KIAA1217: variants seen among roughly 807,000 people sequenced by gnomAD.
KIAA1217 encodes KIAA1217.
Under a neutral mutation model 163.9 loss-of-function variants are expected in KIAA1217, and 88 were observed. The observed-to-expected ratio is 0.54, with a 90% CI of 0.45 to 0.64. The LOEUF is 0.64. Among genes scored for constraint, KIAA1217 ranks in the 30% least tolerant of loss-of-function variants. The probability of loss-of-function intolerance (pLI) is 0.00; values close to 1 mark genes in which losing one functional copy is unlikely to be tolerated. For missense variants in KIAA1217, 2,372 were observed against 2,475.0 expected, an observed-to-expected ratio of 0.96 and a Z score of 0.88; for synonymous variants, 903 against 923.1, an observed-to-expected ratio of 0.98 and a Z score of 0.39.
At chr10:23,751,181 C>G (rs910795319) in intron 1 of KIAA1217, among the ~76,000 whole-genome samples, 2 of 152,030 alleles carry the variant, frequency 1.3e-5, no homozygotes, top group African/African-American at 4.8e-5. Flanking sequence ...GTGCATGCCA[C>G]CTTGCCGGGC....
chr10:23,971,046 T>A (rs1024540034), intron 1 of KIAA1217, among the ~76,000 whole-genome samples: 5 of 152,226 alleles, frequency 3.3e-5, no homozygotes, highest in Non-Finnish European at 5.9e-5. Context: ...AAGTGAATGA[T>A]TTGACCTTTG....
chr10:24,163,882 G>A (rs2065228475), intron 2 of KIAA1217, among the ~76,000 whole-genome samples: 1 of 152,186 alleles, frequency 6.6e-6, no homozygotes, highest in Non-Finnish European at 1.5e-5. Context: ...TCTAAGTGAG[G>A]CACAGTGACA....
intron 13 of KIAA1217, among the ~76,000 whole-genome samples, chr10:24,526,874 G>A (rs999547043): frequency 6.6e-6 from 1 of 152,096 alleles, no homozygotes; most frequent in African/African-American, 2.4e-5. Context: ...GAAGGTGGTG[G>A]CTATTATTTA....
intron 5 of KIAA1217, among the ~76,000 whole-genome samples, 159 bp downstream of exon 5, chr10:24,438,638 T>A (rs2060251309): frequency 6.6e-6 from 1 of 152,184 alleles, no homozygotes; most frequent in African/African-American, 2.4e-5. Context: ...GGTAGAGAAG[T>A]AAGATTTCCT....
upstream of KIAA1217, among the ~76,000 whole-genome samples, chr10:24,204,827 C>A (rs2067458268): frequency 6.6e-6 from 1 of 152,208 alleles, no homozygotes; most frequent in Non-Finnish European, 1.5e-5. Flanking sequence ...TGTTAAAAAT[C>A]CTTTATTTCT....
In KIAA1217 at chr10:24,368,789, A is replaced by C. The variant is rs1889872; in HGVS notation, c.355-12080A>C. The stretch of plus-strand genomic sequence containing the variant: ...AGAAGCTACGGGACTTCCCAAGAAC[A>C]GTAGGAAGCTGAGCCATCTAGAATC... On this transcript the variant is annotated intron_variant, in intron 2 of 20. Coordinates refer to ENST00000376454, the MANE Select transcript of KIAA1217 (RefSeq NM_019590.5). 4,580 of 944,670 alleles carry C rather than the reference A, an allele frequency of 4.8e-3. 170 individuals are homozygous for C. In the African/African-American group the frequency reaches 0.074, roughly 15 times the overall value. 58.5% of individuals were successfully genotyped at this position (944,670 alleles called of 1,614,324 possible).
At position 24,521,894 on chromosome 10, in the gene KIAA1217, G is replaced by A. The variant is rs1483450074; in HGVS notation, c.2421G>A (p.Val807=). 3 of 1,613,386 alleles carry A rather than the reference G, an allele frequency of 1.9e-6. No homozygotes were observed. The highest frequency in any genetic ancestry group is 1.7e-6 in the Non-Finnish European group (2 of 1,179,984). The change falls in exon 12 of 21, where the codon GTG becomes GTA. Residue 807 remains valine (V), a synonymous_variant. Coordinates refer to ENST00000376454, the MANE Select transcript of KIAA1217 (RefSeq NM_019590.5). ...AGCTGGACAGTCTCCTGAAGCGTGT[G>A]CGCAGCATGACAGACGTCCTGACCA... is the stretch of plus-strand genomic sequence containing the variant. ...PHKLDSLLKR[V]RSMTDVLTML... is the part of the protein sequence containing the mutation.
At chr10:24,322,084 G>C (rs1989692) in intron 2 of KIAA1217, among the ~76,000 whole-genome samples, 24,391 of 151,916 alleles carry the variant, frequency 0.16, 1,938 homozygotes, top group African/African-American at 0.17. Flanking sequence ...GAGTAGCTGG[G>C]ATCACAGGTG....
At chr10:24,161,183 A>G (rs76233668) in intron 2 of KIAA1217, among the ~76,000 whole-genome samples, 3 of 152,158 alleles carry the variant, frequency 2.0e-5, no homozygotes, top group Non-Finnish European at 4.4e-5. Flanking sequence ...CCATTTAACT[A>G]TTATGCTCTC....
intron 1 of KIAA1217, among the ~76,000 whole-genome samples, chr10:23,955,064 G>C (rs1844500354): frequency 6.6e-6 from 1 of 152,162 alleles, no homozygotes; most frequent in Non-Finnish European, 1.5e-5. Context: ...ACTGTGCCCA[G>C]TTTTTTATAT....
rs559445661 is a variant in KIAA1217 at position 24,533,045 on chromosome 10, T to G, written c.3247-25T>G. ...TAGCACCTAGGAGATGTTAAACCAC[T>G]ATCTGTTGTTTCAATCTCCCACAGG... On this transcript the variant is annotated intron_variant, in intron 15 of 20. Coordinates refer to ENST00000376454, the MANE Select transcript of KIAA1217 (RefSeq NM_019590.5). The G allele has an allele frequency of 2.8e-5, 44 of 1,592,286 alleles. 1 individual carries two copies. In the South Asian group the frequency reaches 4.3e-4, roughly 16 times the overall value.
chr10:24,518,735 C>T (rs2070613737), intron 10 of KIAA1217, among the ~76,000 whole-genome samples: 1 of 152,162 alleles, frequency 6.6e-6, no homozygotes, highest in East Asian at 1.9e-4. Context: ...ACAATCTCTT[C>T]GTGTCAAGAA....
At chr10:24,114,173 G>A (rs759271125) in intron 2 of KIAA1217, among the ~76,000 whole-genome samples, 1 of 152,174 alleles carries the variant, frequency 6.6e-6, no homozygotes, top group Non-Finnish European at 1.5e-5. Flanking sequence ...CTGCAAGGGA[G>A]TCTGAGGAAC....
chr10:24,493,046 A>C (rs1274719763), intron 6 of KIAA1217, among the ~76,000 whole-genome samples: 1 of 152,154 alleles, frequency 6.6e-6, no homozygotes, highest in South Asian at 2.1e-4. Context: ...GGGTTTCACC[A>C]TGTTGGCCAG....
intron 2 of KIAA1217, among the ~76,000 whole-genome samples, chr10:24,266,625 T>C (rs184580931): frequency 2.4e-4 from 36 of 151,978 alleles, no homozygotes; most frequent in African/African-American, 7.5e-4. Flanking sequence ...ATGCACCAAT[T>C]AGTGCTCTGT....
intron 6 of KIAA1217, among the ~76,000 whole-genome samples, chr10:24,493,980 C>T (rs1368400088): frequency 6.6e-6 from 1 of 152,178 alleles, no homozygotes; most frequent in African/African-American, 2.4e-5. Context: ...CATATTTCTC[C>T]ATGGTCTAAA....
intron 1 of KIAA1217, among the ~76,000 whole-genome samples, chr10:23,775,848 T>A (rs1166482680): frequency 6.6e-6 from 1 of 152,178 alleles, no homozygotes; most frequent in African/African-American, 2.4e-5. Context: ...CATCACAGAC[T>A]TTTTTTCCCA....
chr10:24,389,760 A>G (rs1654531453), intron 3 of KIAA1217, among the ~76,000 whole-genome samples: 1 of 152,058 alleles, frequency 6.6e-6, no homozygotes, highest in Non-Finnish European at 1.5e-5. Flanking sequence ...GGAATATCCA[A>G]TGTGCTGGGT....
At chr10:24,295,966 A>C (rs1361366228) in intron 2 of KIAA1217, among the ~76,000 whole-genome samples, 1 of 152,062 alleles carries the variant, frequency 6.6e-6, no homozygotes, top group East Asian at 1.9e-4. Context: ...GTCCATGTTT[A>C]ATTATTTTAT....
Sources: allele counts gnomAD v4.1 joint callset (sites outside exome capture counted in the v4.1 genomes callset), GRCh38; gene constraint gnomAD v4.1.1; transcripts MANE v1.5; gene names NCBI Gene and HGNC (gene_info 2026-07-23, HGNC 2026-07-21).